IKZF3: variants seen among roughly 807,000 people sequenced by gnomAD.
IKZF3 encodes the protein IKAROS family zinc finger 3.
Under a neutral mutation model 49.0 loss-of-function variants are expected in IKZF3, and 10 were observed. The observed-to-expected ratio is 0.20, with a 90% CI of 0.13 to 0.35. The LOEUF (loss-of-function observed/expected upper bound fraction) is 0.35. Ranked by LOEUF, IKZF3 falls within the 10% of genes least tolerant of loss-of-function variation. The pLI is 1.00. For missense variants in IKZF3, 498 were observed against 664.8 expected (o/e 0.75, Z 2.76); for synonymous variants, 209 against 228.2 (o/e 0.92, Z 0.76).
At chr17:39,774,729 G>C (rs116327570) in intron 7 of IKZF3, among the ~76,000 whole-genome samples, 43 of 152,244 alleles carry the variant, frequency 2.8e-4, no homozygotes, top group African/African-American at 1.0e-3. Flanking sequence ...TCTGTATGAT[G>C]AATGAATGGA....
intron 3 of IKZF3, among the ~76,000 whole-genome samples, chr17:39,821,282 C>T (rs911934334): frequency 1.3e-5 from 2 of 151,992 alleles, no homozygotes; most frequent in South Asian, 2.1e-4. Flanking sequence ...CACCCAACAA[C>T]GGAATGGCCT....
At chr17:39,824,086 G>A (rs116738416) in intron 3 of IKZF3, among the ~76,000 whole-genome samples, 3,040 of 152,334 alleles carry the variant, frequency 0.02, 115 homozygotes, top group African/African-American at 0.07. Flanking sequence ...CTGGGAAGGG[G>A]ACTGTACCCT....
intron 1 of IKZF3, among the ~76,000 whole-genome samples, chr17:39,861,953 T>C (rs1457278692): frequency 6.6e-6 from 1 of 152,152 alleles, no homozygotes; most frequent in Non-Finnish European, 1.5e-5. Context: ...TAAAAATGTT[T>C]TACATTAAAT....
chr17:39,759,634 C>T lies in IKZF3; in HGVS notation c.*6156G>A, dbSNP rs1439037020. On this transcript the variant is annotated 3_prime_UTR_variant, in exon 8 of 8. Coordinates refer to ENST00000346872, the MANE Select transcript of IKZF3 (RefSeq NM_012481.5). ...TCCATGGTCCTAAAGGGTCAGGAGT[C>T]CTGAACCCTGGCTTATTCTCAGAAC... 2 of 152,178 alleles carry T rather than the reference C, an allele frequency of 1.3e-5. No homozygotes were observed. Among genetic ancestry groups the T allele is most frequent in the African/African-American group, 4.8e-5 (2 of 41,422 alleles). 9.4% of individuals were successfully genotyped at this position (152,178 alleles called of 1,614,324 possible).
chr17:39,853,101 C>T (rs987167643), intron 1 of IKZF3, among the ~76,000 whole-genome samples: 5 of 152,278 alleles, frequency 3.3e-5, no homozygotes, highest in Non-Finnish European at 7.4e-5. Context: ...AATTAGCATT[C>T]TTTTTATTTC....
intron 1 of IKZF3, chr17:39,835,116 G>A (rs2062233260): frequency 2.2e-6 from 1 of 454,068 alleles, no homozygotes; most frequent in Non-Finnish European, 4.3e-6. Context: ...GCTGAGGCCA[G>A]GGCTTGTAAG....
intron 1 of IKZF3, among the ~76,000 whole-genome samples, chr17:39,841,515 A>G (rs1188705671): frequency 1.3e-5 from 2 of 152,156 alleles, no homozygotes; most frequent in East Asian, 1.9e-4. Context: ...TGGAGGCCAC[A>G]GTACGGGATT....
chr17:39,817,045 G>A (rs865940990), intron 3 of IKZF3, among the ~76,000 whole-genome samples: 1 of 152,132 alleles, frequency 6.6e-6, no homozygotes, highest in Non-Finnish European at 1.5e-5. Context: ...TTTTTTCCAA[G>A]TATTTTTGTT....
chr17:39,853,812 C>T (rs544208381), intron 1 of IKZF3, among the ~76,000 whole-genome samples: 1 of 143,636 alleles, frequency 7.0e-6, no homozygotes, highest in South Asian at 2.2e-4. Context: ...TCCAGCCTGG[C>T]AACAAGAGCG....
At chr17:39,775,257 C>G (rs1384902546) in intron 7 of IKZF3, among the ~76,000 whole-genome samples, 4 of 151,840 alleles carry the variant, frequency 2.6e-5, no homozygotes, top group African/African-American at 7.3e-5. Context: ...CCTGAAGTTG[C>G]TACCTCAATC....
intron 3 of IKZF3, among the ~76,000 whole-genome samples, chr17:39,803,514 C>CTTTT (rs72220610): frequency 7.1e-6 from 1 of 141,408 alleles, no homozygotes; most frequent in Non-Finnish European, 1.6e-5. Context: ...TTCACTCTAT[C>CTTTT]TTTTTTTTTT....
At chr17:39,856,803 T>C (rs896077159) in intron 1 of IKZF3, among the ~76,000 whole-genome samples, 1 of 151,548 alleles carries the variant, frequency 6.6e-6, no homozygotes, top group Non-Finnish European at 1.5e-5. Context: ...CGAGACTCCA[T>C]CTCAAAATAA....
chr17:39,851,572 T>C (rs1017006683), intron 1 of IKZF3, among the ~76,000 whole-genome samples: 17 of 152,112 alleles, frequency 1.1e-4, no homozygotes, highest in Admixed American at 5.9e-4. Flanking sequence ...AAAGCATATA[T>C]TGTAAAATTA....
At chr17:39,846,438 A>C (rs2062633200) in intron 1 of IKZF3, among the ~76,000 whole-genome samples, 1 of 149,236 alleles carries the variant, frequency 6.7e-6, no homozygotes, top group South Asian at 2.1e-4. Flanking sequence ...TTCATTGACG[A>C]TGACACTATA....
intron 1 of IKZF3, among the ~76,000 whole-genome samples, chr17:39,850,375 ATATATAATATATAG>A (rs1285768945): frequency 1.7e-4 from 23 of 136,024 alleles, no homozygotes; most frequent in African/African-American, 4.6e-4. Flanking sequence ...TTATATATGT[ATATATAATATATAG>A]CATATTGTAT....
At chr17:39,841,830 ATAC>A (rs1247095656) in intron 1 of IKZF3, among the ~76,000 whole-genome samples, 20 of 152,124 alleles carry the variant, frequency 1.3e-4, no homozygotes, top group African/African-American at 4.8e-4. Context: ...GGATTGCTTG[ATAC>A]CAGGAGTTCA....
intron 3 of IKZF3, among the ~76,000 whole-genome samples, chr17:39,813,483 GA>G (rs562486062): frequency 3.4e-4 from 50 of 145,420 alleles, no homozygotes; most frequent in Non-Finnish European, 5.5e-4. Context: ...CGTATCTACA[GA>G]AAAAAAAAAA....
At position 39,780,410 on chromosome 17, in the gene IKZF3, G is replaced by A. The variant is rs952535042; in HGVS notation, c.710-2643C>T. On this transcript the variant is annotated intron_variant, in intron 6 of 7. Transcript: ENST00000346872. ...CAGGGTCTCAACTCTGTTACCCAGG[G>A]TGGAGTGCAGTGGCATGATCACAGC... Among the ~76,000 whole-genome samples the A allele has an allele frequency of 7.2e-5, 11 of 152,020 alleles. No individual in the cohort carries two copies. The East Asian group carries it at 9.6e-4, about 13-fold the overall frequency.
At chr17:39,771,203 T>C (rs575042959) in intron 7 of IKZF3, among the ~76,000 whole-genome samples, 88 of 152,370 alleles carry the variant, frequency 5.8e-4, no homozygotes, top group Admixed American at 1.0e-3. Flanking sequence ...TCAGGTTTTC[T>C]GCTGTGATGG....
Sources: allele counts gnomAD v4.1 joint callset (sites outside exome capture counted in the v4.1 genomes callset), GRCh38; gene constraint gnomAD v4.1.1; transcripts MANE v1.5; gene names NCBI Gene and HGNC (gene_info 2026-07-23, HGNC 2026-07-21).